Variants in SLC4A10 observed in about 807,000 individuals in gnomAD.
SLC4A10 encodes sodium-driven chloride bicarbonate exchanger.
Under a neutral mutation model 137.7 loss-of-function variants are expected in SLC4A10, and 42 were observed. The ratio of observed to expected loss-of-function variants is 0.30; its 90% confidence interval spans 0.24 to 0.39. The LOEUF is 0.39. Among genes scored for constraint, SLC4A10 ranks in the 10% least tolerant of loss-of-function variants. The pLI, the probability that SLC4A10 is intolerant of heterozygous loss-of-function variation, is 1.00. For missense variants in SLC4A10, 925 were observed against 1,355.0 expected (o/e 0.68, Z 4.98); for synonymous variants, 474 against 464.1 (o/e 1.02, Z -0.27).
rs749922088 is a variant in SLC4A10, at chr2:161,958,549, A to C, written c.2856A>C (p.Gly952=). ...ATATGGGTGCTTCATCTCTAAAGGG[A>C]ATTCAGGTAAATTACTTACAGTACT... is the stretch of plus-strand genomic sequence containing the variant. ...FLYMGASSLK[G]IQFFDRIKLF... is the part of the protein sequence containing the mutation. The change falls in exon 21 of 27, where the codon GGA becomes GGC. Residue 952 remains glycine (G), a synonymous_variant. Transcript: ENST00000446997. 5.0e-6 allele frequency: 8 copies of C among 1,607,604 alleles called. No homozygotes were observed. The East Asian group carries it at 1.8e-4, about 36-fold the overall frequency.
At chr2:161,921,259 A>G (rs1409177793) in intron 15 of SLC4A10, among the ~76,000 whole-genome samples, 1 of 152,210 alleles carries the variant, frequency 6.6e-6, no homozygotes, top group East Asian at 1.9e-4. Flanking sequence ...GAATTCCCAC[A>G]TGCAGATCAT....
chr2:161,702,110 A>G (rs1170277115), intron 1 of SLC4A10, among the ~76,000 whole-genome samples: 1 of 151,972 alleles, frequency 6.6e-6, no homozygotes, highest in Non-Finnish European at 1.5e-5. Context: ...TCCCATGTTT[A>G]TTGCAGCATT....
chr2:161,944,691 G>A (rs1291983639), intron 16 of SLC4A10, among the ~76,000 whole-genome samples: 1 of 151,110 alleles, frequency 6.6e-6, no homozygotes, highest in Non-Finnish European at 1.5e-5. Flanking sequence ...AGCAGTTTTT[G>A]CAATGGATAA....
At chr2:161,669,705 C>A (rs2039475786) in intron 1 of SLC4A10, among the ~76,000 whole-genome samples, 1 of 151,914 alleles carries the variant, frequency 6.6e-6, no homozygotes, top group African/African-American at 2.4e-5. Context: ...TTATTTAGGG[C>A]AGGCAGAGGA....
intron 7 of SLC4A10, among the ~76,000 whole-genome samples, chr2:161,873,518 GA>G (rs2061265933): frequency 9.6e-6 from 1 of 104,600 alleles, no homozygotes; most frequent in South Asian, 3.7e-4. Context: ...GTGACAGAGT[GA>G]GACCACATCT....
intron 3 of SLC4A10, among the ~76,000 whole-genome samples, chr2:161,839,379 T>C (rs2059030152): frequency 6.6e-6 from 1 of 152,168 alleles, no homozygotes; most frequent in Non-Finnish European, 1.5e-5. Flanking sequence ...TGCATAGTTT[T>C]AGTATAAATG....
intron 5 of SLC4A10, among the ~76,000 whole-genome samples, chr2:161,855,868 A>C (rs1263468843): frequency 6.6e-6 from 1 of 152,136 alleles, no homozygotes; most frequent in African/African-American, 2.4e-5. Flanking sequence ...GAGGCAGTTG[A>C]AAAGTTATTA....
At chr2:161,794,675 T>C (rs1233868821) in intron 2 of SLC4A10, among the ~76,000 whole-genome samples, 1 of 152,202 alleles carries the variant, frequency 6.6e-6, no homozygotes, top group Non-Finnish European at 1.5e-5. Flanking sequence ...TCCGTCTCTA[T>C]GTTCACACGA....
In SLC4A10 at chr2:161,947,682, A is replaced by G. The variant is rs375637023; in HGVS notation, c.2220A>G (p.Ser740=). The change falls in exon 17 of 27, where the codon TCA becomes TCG. Residue 740 remains serine, a synonymous_variant. Transcript: ENST00000446997. ...TGTTCTTTTCCACAGTTACTCTGTC[A>G]GCCACCCTGAAGCAGTTCAAGACTA... ...VILFFSTVTL[S]ATLKQFKTSR... 2.5e-6 allele frequency: 4 copies of G among 1,613,126 alleles called. No homozygotes were observed. The African/African-American group carries it at 5.3e-5, about 22-fold the overall frequency.
At chr2:161,656,097 C>G (rs1234591741) in intron 1 of SLC4A10, among the ~76,000 whole-genome samples, 1 of 152,118 alleles carries the variant, frequency 6.6e-6, no homozygotes. Context: ...CAGGCATGAG[C>G]CACCAGGCCC....
intron 19 of SLC4A10, among the ~76,000 whole-genome samples, chr2:161,956,175 C>T (rs905314329): frequency 6.6e-6 from 1 of 152,008 alleles, no homozygotes; most frequent in African/African-American, 2.4e-5. Context: ...GATATTATTC[C>T]AAATGATTTA....
intron 4 of SLC4A10, among the ~76,000 whole-genome samples, chr2:161,841,218 C>T (rs530341987): frequency 6.6e-6 from 1 of 152,220 alleles, no homozygotes; most frequent in Non-Finnish European, 1.5e-5. Context: ...GCTGAGACCA[C>T]AGTCATCTGC....
rs1696751477 is a variant in SLC4A10, at chr2:161,961,661, G to A, written c.2863-2474G>A. The stretch of plus-strand genomic sequence containing the variant: ...ACATAAATACAGCAGCAGAGTTTAA[G>A]AAACAATGTAAAATCATTTTGATGA... On this transcript the variant is annotated intron_variant, in intron 21 of 26. Coordinates refer to ENST00000446997, the MANE Select transcript of SLC4A10 (RefSeq NM_001178015.2). 2.0e-5 allele frequency among the ~76,000 whole-genome samples: 3 copies of A among 150,442 alleles called. No individual in the cohort carries two copies. The Admixed American group carries it at 2.0e-4, about 10-fold the overall frequency.
At chr2:161,914,950 G>T (rs1201712108) in intron 15 of SLC4A10, among the ~76,000 whole-genome samples, 1 of 152,076 alleles carries the variant, frequency 6.6e-6, no homozygotes, top group Non-Finnish European at 1.5e-5. Context: ...GAAACCCGCA[G>T]CCCAAAGTGG....
chr2:161,700,630 A>G (rs1352165964), intron 1 of SLC4A10, among the ~76,000 whole-genome samples: 1 of 152,094 alleles, frequency 6.6e-6, no homozygotes, highest in Non-Finnish European at 1.5e-5. Context: ...AACCTTCAAA[A>G]TAGCTTTATG....
At chr2:161,769,815 T>C (rs990886946) in intron 1 of SLC4A10, among the ~76,000 whole-genome samples, 1 of 151,866 alleles carries the variant, frequency 6.6e-6, no homozygotes, top group Non-Finnish European at 1.5e-5. Context: ...AAATTAACAG[T>C]AATTTCTTTC....
At chr2:161,673,085 G>C (rs1442486871) in intron 1 of SLC4A10, among the ~76,000 whole-genome samples, 1 of 152,152 alleles carries the variant, frequency 6.6e-6, no homozygotes, top group Non-Finnish European at 1.5e-5. Context: ...GGGATTAACT[G>C]TTTACTTACT....
In SLC4A10 at chr2:161,983,689, AAAGT is replaced by A. The variant is rs1372833309; in HGVS notation, c.*538_*541del. On this transcript the variant is annotated 3_prime_UTR_variant, in exon 27 of 27. Transcript: ENST00000446997. ...ACTTATTTCAAAAGACCCAAATCAAAAAGTTAGTTTGAAAGCATTTTTTAATAAT... is the reference window on the plus strand; with the variant it reads ...ACTTATTTCAAAAGACCCAAATCAAATAGTTTGAAAGCATTTTTTAATAAT... The A allele has an allele frequency of 6.5e-6, 1 of 153,074 alleles. No homozygotes were observed. The highest frequency in any genetic ancestry group is 1.5e-5 in the Non-Finnish European group (1 of 68,674). 9.5% of individuals were successfully genotyped at this position (153,074 alleles called of 1,614,324 possible).
intron 5 of SLC4A10, among the ~76,000 whole-genome samples, chr2:161,859,767 A>AT (rs2060325620): frequency 6.6e-6 from 1 of 151,370 alleles, no homozygotes; most frequent in African/African-American, 2.4e-5. Flanking sequence ...CGCCCGGCTG[A>AT]TTTTTTGTAT....
Sources: gnomAD v4.1 joint callset for allele counts (sites outside exome capture counted in the v4.1 genomes callset) on GRCh38, gnomAD v4.1.1 for gene constraint, MANE v1.5 for transcripts, NCBI Gene and HGNC (gene_info 2026-07-23, HGNC 2026-07-21) for gene names.